Variants in SORBS2 observed in about 807,000 individuals in gnomAD.
The protein encoded by SORBS2 is sorbin and SH3 domain containing 2, also known as sorbin and SH3 domain-containing protein 2.
SORBS2 carries 46 observed loss-of-function variants against 97.7 expected under a neutral mutation model. The ratio of observed to expected loss-of-function variants is 0.47; its 90% CI spans 0.37 to 0.60. SORBS2 has a LOEUF of 0.60. Among genes scored for constraint, SORBS2 ranks in the 20% least tolerant of loss-of-function variants. The probability of loss-of-function intolerance (pLI) is 0.00; values close to 1 mark genes in which losing one functional copy is unlikely to be tolerated. For missense variants in SORBS2, 1,316 were observed against 1,282.3 expected (o/e 1.03, Z -0.40); for synonymous variants, 476 against 473.4 (o/e 1.01, Z -0.07).
In SORBS2 at chr4:185,709,304, C is replaced by CCTTTTTTTTTTTTT. The variant is rs1554199361; in HGVS notation, c.-197-30483_-197-30482insAAAAAAAAAAAAAG. On this transcript the variant is annotated intron_variant, in intron 2 of 20. Transcript: ENST00000284776. ...GCATGAGCCGCTGTGCTGGCCAAAT[C>CCTTTTTTTTTTTTT]TTTTTTTTTTTTTTTTTTTTAGTAA... Among the ~76,000 whole-genome samples, 67 of 96,730 alleles carry CCTTTTTTTTTTTTT rather than the reference C, an allele frequency of 6.9e-4. 5 individuals are homozygous for CCTTTTTTTTTTTTT. The highest frequency in any genetic ancestry group is 2.1e-3 in the East Asian group (7 of 3,290). 63.5% of individuals were successfully genotyped at this position (96,730 alleles called of 152,430 possible). A position where few individuals can be genotyped will look rare whatever the true frequency, so the allele number is the denominator to read the frequency against.
chr4:185,840,385 G>A (rs1334240324), intron 1 of SORBS2, among the ~76,000 whole-genome samples: 1 of 152,114 alleles, frequency 6.6e-6, no homozygotes, highest in Non-Finnish European at 1.5e-5. Context: ...TCTTTCATAA[G>A]CATCTCTCTT....
At chr4:185,678,224 A>C (rs1265860055) in intron 4 of SORBS2, among the ~76,000 whole-genome samples, 199 bp downstream of exon 7, 4 of 152,248 alleles carry the variant, frequency 2.6e-5, no homozygotes, top group African/African-American at 2.4e-5. Flanking sequence ...AATCAGAAAC[A>C]AAACCAAACC....
upstream of SORBS2, chr4:185,657,719 T>A: frequency 1.1e-6 from 1 of 873,474 alleles, no homozygotes; most frequent in Non-Finnish European, 1.7e-6. Flanking sequence ...CTGTCCCTTT[T>A]AACTCATTTA....
chr4:185,877,296 G>GTT (rs35887941), intron 1 of SORBS2, among the ~76,000 whole-genome samples: 1 of 151,756 alleles, frequency 6.6e-6, no homozygotes, highest in Non-Finnish European at 1.5e-5. Context: ...ATTAAAGGTT[G>GTT]TTTTTTTTAA....
At chr4:185,861,599 ATT>A (rs57354475) in intron 1 of SORBS2, among the ~76,000 whole-genome samples, 57,801 of 146,098 alleles carry the variant, frequency 0.4, 11,679 homozygotes, top group Middle Eastern at 0.46. Flanking sequence ...TCTGACTTCT[ATT>A]TTTTTTTTTT....
intron 3 of SORBS2, 83 bp downstream of exon 12, chr4:185,649,384 G>C: frequency 9.0e-7 from 1 of 1,113,562 alleles, no homozygotes; most frequent in East Asian, 2.9e-5. Context: ...TGTGGCAGGT[G>C]CACTGATTCT....
intron 2 of SORBS2, chr4:185,771,931 A>T (rs570039116): frequency 6.6e-6 from 1 of 152,248 alleles, no homozygotes; most frequent in African/African-American, 2.4e-5. Context: ...CAATGATTTT[A>T]TGTTTCCCAA....
chr4:185,720,614 G>A (rs2098505117), intron 2 of SORBS2, among the ~76,000 whole-genome samples: 1 of 152,064 alleles, frequency 6.6e-6, no homozygotes, highest in Admixed American at 6.6e-5. Flanking sequence ...ATTGGCCTGG[G>A]CCTCCGGTAC....
intron 1 of SORBS2, among the ~76,000 whole-genome samples, chr4:185,954,890 G>A (rs1441869168): frequency 1.3e-5 from 2 of 152,084 alleles, no homozygotes; most frequent in Non-Finnish European, 2.9e-5. Context: ...CCAGATAAGT[G>A]GCAGTGAGCA....
chr4:185,631,426 C>T (rs2096904428), intron 4 of SORBS2, among the ~76,000 whole-genome samples: 1 of 152,188 alleles, frequency 6.6e-6, no homozygotes, highest in African/African-American at 2.4e-5. Flanking sequence ...GGACACTGAG[C>T]TATCAAGTGT....
Position 185,588,668 on chromosome 4 carries a change from G to T in SORBS2, c.2954-980C>A, listed in dbSNP as rs1276401268. Among the ~76,000 whole-genome samples the T allele has an allele frequency of 6.8e-5, 9 of 131,398 alleles. No homozygotes were observed. The East Asian group carries it at 1.8e-3, about 27-fold the overall frequency. 86.2% of individuals were successfully genotyped at this position (131,398 alleles called of 152,430 possible). ...TCGCTCTTGTCGCCCAGGCTGGAGTGCAGTGGCATGATCTCGGCTCACTGC... is the reference window on the plus strand; with the variant it reads ...TCGCTCTTGTCGCCCAGGCTGGAGTTCAGTGGCATGATCTCGGCTCACTGC... On this transcript the variant is annotated intron_variant, in intron 14 of 14. Coordinates refer to ENST00000418609, the Ensembl canonical transcript of SORBS2.
chr4:185,779,502 T>C (rs1020061977), intron 1 of SORBS2, among the ~76,000 whole-genome samples: 5 of 152,256 alleles, frequency 3.3e-5, no homozygotes, highest in Non-Finnish European at 7.3e-5. Context: ...CCAAGGACTT[T>C]CATGGGCGTG....
At chr4:185,952,061 T>A (rs561395157) in intron 1 of SORBS2, among the ~76,000 whole-genome samples, 26,101 of 151,472 alleles carry the variant, frequency 0.17, 2,534 homozygotes, top group Middle Eastern at 0.25. Context: ...AGTCTCACTC[T>A]GTCGCCAGGC....
chr4:185,665,880 C>T (rs971630037), intron 4 of SORBS2: 14 of 1,183,816 alleles, frequency 1.2e-5, no homozygotes, highest in South Asian at 3.2e-5. Context: ...ACTCACTCTC[C>T]GAGCGGGAGG....
At chr4:185,825,359 A>C (rs1203754323) in intron 1 of SORBS2, among the ~76,000 whole-genome samples, 1 of 152,196 alleles carries the variant, frequency 6.6e-6, no homozygotes, top group Non-Finnish European at 1.5e-5. Flanking sequence ...AAACCTGCCA[A>C]ACAGGAATTA....
chr4:185,744,131 T>C (rs1000094010), intron 2 of SORBS2, among the ~76,000 whole-genome samples: 4 of 149,890 alleles, frequency 2.7e-5, no homozygotes, highest in Admixed American at 2.7e-4. Flanking sequence ...TTTCCTCTTC[T>C]TCCTCCTCCT....
intron 2 of SORBS2, 96 bp from the exon 6 acceptor site, chr4:185,678,918 G>T (rs2153501259): frequency 1.6e-6 from 1 of 640,930 alleles, no homozygotes; most frequent in Middle Eastern, 3.1e-4. Flanking sequence ...CATTGTTTTT[G>T]CAAACATTAT....
chr4:185,706,207 G>A (rs950610194), intron 2 of SORBS2, among the ~76,000 whole-genome samples: 2 of 151,974 alleles, frequency 1.3e-5, no homozygotes, highest in African/African-American at 4.8e-5. Flanking sequence ...TTTTACTATT[G>A]AACCCTAAAC....
intron 2 of SORBS2, among the ~76,000 whole-genome samples, chr4:185,762,188 G>A (rs1584358183): frequency 6.6e-6 from 1 of 152,160 alleles, no homozygotes; most frequent in South Asian, 2.1e-4. Context: ...AGAAAAATTC[G>A]AATGCTTGTC....
Sources: gnomAD v4.1 joint callset for allele counts (sites outside exome capture counted in the v4.1 genomes callset) on GRCh38, gnomAD v4.1.1 for gene constraint, MANE v1.5 for transcripts, NCBI Gene and HGNC (gene_info 2026-07-23, HGNC 2026-07-21) for gene names.